HRH1: variants seen among roughly 807,000 people sequenced by gnomAD.
The protein encoded by HRH1 is histamine H1 receptor.
A neutral mutation model predicts 10.3 loss-of-function variants in HRH1; 6 were observed. That is an observed-to-expected ratio of 0.58 (90% CI 0.32 to 1.15). HRH1 has a LOEUF of 1.15. HRH1 is among the 50% of genes most tolerant of loss of function. The probability of loss-of-function intolerance (pLI) is 0.05; values close to 1 mark genes in which losing one functional copy is unlikely to be tolerated. For synonymous variants in HRH1, 242 were observed against 236.7 expected (o/e 1.02, Z -0.21); for missense variants, 514 against 615.3 (o/e 0.84, Z 1.74).
intron 1 of HRH1, among the ~76,000 whole-genome samples, chr3:11,232,963 C>CT (rs1310732546): frequency 2.0e-5 from 3 of 152,212 alleles, no homozygotes; most frequent in East Asian, 3.9e-4. Flanking sequence ...CTTCTTGTCT[C>CT]TATGTTTTCT....
chr3:11,224,855 G>T (rs929052034), intron 1 of HRH1, among the ~76,000 whole-genome samples: 2 of 152,174 alleles, frequency 1.3e-5, no homozygotes, highest in Admixed American at 6.5e-5. Context: ...ACTTCCAAAG[G>T]TTGCTGTGGG....
intron 1 of HRH1, among the ~76,000 whole-genome samples, chr3:11,137,744 T>A (rs1936211041): frequency 6.6e-6 from 1 of 152,116 alleles, no homozygotes. Context: ...CGGACCCTGT[T>A]ATCTTCAGAT....
intron 1 of HRH1, among the ~76,000 whole-genome samples, chr3:11,210,446 C>G (rs1457517365): frequency 6.6e-6 from 1 of 152,034 alleles, no homozygotes; most frequent in Non-Finnish European, 1.5e-5. Flanking sequence ...CAAAACTACT[C>G]TGAGGATAAA....
Position 11,259,894 on chromosome 3 carries a change from C to T in HRH1, c.857C>T (p.Pro286Leu). The T allele has an allele frequency of 6.2e-7, 1 of 1,614,122 alleles. No individual in the cohort carries two copies. The highest frequency in any genetic ancestry group is 8.5e-7 in the Non-Finnish European group (1 of 1,180,012). The change falls in exon 2 of 2, where the codon CCA becomes CTA. Residue 286 changes from proline to leucine, a missense_variant. Physicochemically the swap from Pro to Leu is moderately conservative, Grantham distance 98. Transcript: ENST00000431010. This position sits in a 1 kb window ranked among gnomAD's most constrained non-coding sequence, Gnocchi z 4.6. ...CAAACCCCCAAGGAGATGAAATCCC[C>T]AGTTGTCTTCAGCCAAGAGGATGAT... ...PSQTPKEMKS[P>L]VVFSQEDDRE... is the part of the protein sequence containing the mutation.
At chr3:11,249,893 C>T (rs1047198103) in intron 1 of HRH1, among the ~76,000 whole-genome samples, 1 of 151,958 alleles carries the variant, frequency 6.6e-6, no homozygotes, top group Non-Finnish European at 1.5e-5. Context: ...TGTCTTTGAC[C>T]CTGCAGATCT....
intron 1 of HRH1, among the ~76,000 whole-genome samples, chr3:11,211,112 G>A (rs1305148354): frequency 6.6e-6 from 1 of 152,232 alleles, no homozygotes; most frequent in African/African-American, 2.4e-5. Flanking sequence ...AGTAGTGGTG[G>A]ATGCTCTGAA....
chr3:11,164,132 G>A (rs1311964285), intron 1 of HRH1, among the ~76,000 whole-genome samples: 2 of 152,240 alleles, frequency 1.3e-5, no homozygotes, highest in Admixed American at 6.5e-5. Context: ...AAGACATGGA[G>A]GGAGAACAGC....
At chr3:11,196,287 C>T (rs899768573) in intron 1 of HRH1, among the ~76,000 whole-genome samples, 1 of 152,228 alleles carries the variant, frequency 6.6e-6, no homozygotes, top group Non-Finnish European at 1.5e-5. Flanking sequence ...TGTGCCATTC[C>T]TTCATCCTGG....
chr3:11,226,011 T>C (rs1253028296), intron 1 of HRH1: 1 of 152,280 alleles, frequency 6.6e-6, no homozygotes, highest in African/African-American at 2.4e-5. Flanking sequence ...CTTGCCAGGG[T>C]AAGAGGATGA....
At chr3:11,189,706 T>C (rs993622314) in intron 1 of HRH1, among the ~76,000 whole-genome samples, 1 of 150,662 alleles carries the variant, frequency 6.6e-6, no homozygotes, top group African/African-American at 2.4e-5. Flanking sequence ...CCAAAGGGGG[T>C]GGATCACTGG....
rs1939995604 is a variant in HRH1 at position 11,262,966 on chromosome 3, A to G, written c.*2465A>G. On this transcript the variant is annotated 3_prime_UTR_variant, in exon 2 of 2. Transcript: ENST00000431010. ...AATGTTATCTAATGGTATTGGTGCCATTATGTAATGTTGCCTTTACAACAA... is the reference window on the plus strand; with the variant it reads ...AATGTTATCTAATGGTATTGGTGCCGTTATGTAATGTTGCCTTTACAACAA... 1 of 167,122 alleles carries G rather than the reference A, an allele frequency of 6.0e-6. No homozygotes were observed. The highest frequency in any genetic ancestry group is 2.1e-4 in the South Asian group (1 of 4,836). The allele number at this position is 167,122 out of a possible 1,614,324, so 10.4% of individuals were successfully genotyped here. A position where few individuals can be genotyped will look rare whatever the true frequency, so the allele number is the denominator to read the frequency against.
At chr3:11,201,451 G>A (rs1374815095) in intron 1 of HRH1, among the ~76,000 whole-genome samples, 3 of 152,174 alleles carry the variant, frequency 2.0e-5, no homozygotes, top group Non-Finnish European at 4.4e-5. Flanking sequence ...TAGACTTGGG[G>A]GACGGTAGAG....
At chr3:11,249,266 G>C (rs1312632488) in intron 1 of HRH1, among the ~76,000 whole-genome samples, 1 of 151,996 alleles carries the variant, frequency 6.6e-6, no homozygotes, top group Non-Finnish European at 1.5e-5. Flanking sequence ...AGCTGGGCAT[G>C]GTGGCAGGTG....
intron 1 of HRH1, among the ~76,000 whole-genome samples, chr3:11,236,108 G>A (rs1292548858): frequency 6.6e-6 from 1 of 152,180 alleles, no homozygotes; most frequent in African/African-American, 2.4e-5. Context: ...GCAGAATAGA[G>A]AAAGTACCTC....
At chr3:11,236,627 A>C (rs578081736) in intron 1 of HRH1, among the ~76,000 whole-genome samples, 4 of 152,358 alleles carry the variant, frequency 2.6e-5, no homozygotes, top group African/African-American at 9.6e-5. Flanking sequence ...AGATAGATGA[A>C]TGAATAAATG....
At chr3:11,192,982 G>A (rs2125022295) in intron 1 of HRH1, among the ~76,000 whole-genome samples, 1 of 152,316 alleles carries the variant, frequency 6.6e-6, no homozygotes, top group South Asian at 2.1e-4. Context: ...AGTCATTATA[G>A]ACTCAACTGC....
intron 1 of HRH1, chr3:11,234,311 G>A (rs192306182): frequency 9.8e-5 from 155 of 1,575,728 alleles, no homozygotes; most frequent in Non-Finnish European, 1.3e-4. Context: ...TGTTTCTTCT[G>A]CTTGTTCTGC....
At chr3:11,196,331 C>T (rs988966818) in intron 1 of HRH1, among the ~76,000 whole-genome samples, 1 of 152,202 alleles carries the variant, frequency 6.6e-6, no homozygotes, top group Non-Finnish European at 1.5e-5. Context: ...CCTCCCTAAG[C>T]AGGTCACATC....
chr3:11,191,152 A>G (rs1175457232), intron 1 of HRH1, among the ~76,000 whole-genome samples: 1 of 152,118 alleles, frequency 6.6e-6, no homozygotes, highest in Non-Finnish European at 1.5e-5. Context: ...TTGCTTAGGG[A>G]ATCAAAGTTC....
Sources: allele counts gnomAD v4.1 joint callset (sites outside exome capture counted in the v4.1 genomes callset), GRCh38; gene constraint gnomAD v4.1.1; non-coding constraint Gnocchi (gnomAD v3.1); transcripts MANE v1.5; gene names NCBI Gene and HGNC (gene_info 2026-07-23, HGNC 2026-07-21).